Variants in TOGARAM1 observed in about 807,000 individuals in gnomAD.
TOGARAM1 encodes TOG array regulator of axonemal microtubules protein 1.
In TOGARAM1, 100 loss-of-function variants were observed where a neutral mutation model predicts 166.6. The observed-to-expected ratio is 0.60, with a 90% CI of 0.51 to 0.71. TOGARAM1 has a LOEUF of 0.71. Ranked by LOEUF, TOGARAM1 falls within the 30% of genes least tolerant of loss-of-function variation. The probability of loss-of-function intolerance (pLI) is 0.00; values close to 1 mark genes in which losing one functional copy is unlikely to be tolerated. For missense variants in TOGARAM1, 2,029 were observed against 2,102.7 expected (o/e 0.96, Z 0.69); for synonymous variants, 758 against 763.8 (o/e 0.99, Z 0.13).
chr14:45,005,069 C>T (rs964978533), intron 4 of TOGARAM1, among the ~76,000 whole-genome samples: 4 of 151,868 alleles, frequency 2.6e-5, no homozygotes, highest in Non-Finnish European at 5.9e-5. Context: ...GCATGCGCCA[C>T]CATGCCCGGC....
intron 1 of TOGARAM1, among the ~76,000 whole-genome samples, chr14:44,981,447 AGTG>A (rs1427947874): frequency 6.6e-6 from 1 of 152,192 alleles, no homozygotes; most frequent in Admixed American, 6.5e-5. Context: ...TTAGAATCAA[AGTG>A]GTGAGGGAGT....
chr14:45,070,497 T>G (rs531408219), intron 18 of TOGARAM1, among the ~76,000 whole-genome samples: 1 of 152,322 alleles, frequency 6.6e-6, no homozygotes, highest in South Asian at 2.1e-4. Context: ...TGACATAAAT[T>G]TGCATTATTG....
intron 1 of TOGARAM1, among the ~76,000 whole-genome samples, chr14:44,986,356 C>T (rs762524869): frequency 1.3e-5 from 2 of 152,138 alleles, no homozygotes; most frequent in Non-Finnish European, 2.9e-5. Flanking sequence ...GTGGCATAAT[C>T]ATAGCTCACT....
At chr14:44,987,163 C>T (rs1886863946) in intron 1 of TOGARAM1, among the ~76,000 whole-genome samples, 1 of 151,712 alleles carries the variant, frequency 6.6e-6, no homozygotes, top group Non-Finnish European at 1.5e-5. Context: ...AGGATGGTCT[C>T]GATCTGACCT....
rs1885173240 is a variant in TOGARAM1 at position 44,962,226 on chromosome 14, G to GGCCC, written c.-195_-194insCCCG. 1.8e-6 allele frequency: 1 copy of GGCCC among 549,464 alleles called. No individual in the cohort carries two copies. The highest frequency in any genetic ancestry group is 3.1e-6 in the Non-Finnish European group (1 of 326,372). The allele number at this position is 549,464 out of a possible 1,614,324, so 34.0% of individuals were successfully genotyped here. ...TTGGTTACGCCCGGTGGCAGCTGTG[G>GGCCC]GGTCTAGGGCTCAGACGGGGGCCAT... On this transcript the variant is annotated 5_prime_UTR_variant, in exon 1 of 20. Coordinates refer to ENST00000361462, the MANE Select transcript of TOGARAM1 (RefSeq NM_001308120.2).
At chr14:45,041,996 C>G (rs1236261741) in intron 11 of TOGARAM1, 2 of 152,330 alleles carry the variant, frequency 1.3e-5, no homozygotes, top group South Asian at 2.1e-4. Flanking sequence ...CTCAAGCAAT[C>G]TGCCCACCTC....
At position 44,963,873 on chromosome 14, in the gene TOGARAM1, C is replaced by T; in HGVS notation, c.1452C>T (p.Ser484=). The change falls in exon 1 of 20, where the codon TCC becomes TCT. Residue 484 remains serine (S), a synonymous_variant. Transcript: ENST00000361462. The part of the protein sequence containing the change: ...LLLEHLKHKH[S]RVREEVVNIC... ...TGGAACATCTCAAACATAAGCATTC[C>T]AGAGTGAGAGAGGAGGTGGTGAACA... is the stretch of plus-strand genomic sequence containing the variant. 6.2e-7 allele frequency: 1 copy of T among 1,614,052 alleles called. No homozygotes were observed. Among genetic ancestry groups the T allele is most frequent in the African/African-American group, 1.3e-5 (1 of 75,018 alleles).
At chr14:45,019,441 A>C (rs1416923193) in intron 7 of TOGARAM1, among the ~76,000 whole-genome samples, 5 of 151,882 alleles carry the variant, frequency 3.3e-5, no homozygotes, top group Non-Finnish European at 7.4e-5. Flanking sequence ...AACACCTGGA[A>C]AAAAAAAACA....
At chr14:44,986,465 T>C (rs1886800119) in intron 1 of TOGARAM1, among the ~76,000 whole-genome samples, 1 of 152,032 alleles carries the variant, frequency 6.6e-6, no homozygotes, top group Non-Finnish European at 1.5e-5. Flanking sequence ...AATTTTTTAA[T>C]TTTTCATAGA....
intron 7 of TOGARAM1, among the ~76,000 whole-genome samples, chr14:45,021,808 G>A (rs1471878293): frequency 6.6e-6 from 1 of 152,112 alleles, no homozygotes; most frequent in Non-Finnish European, 1.5e-5. Context: ...TCTTCTCAGG[G>A]ACAGGCTTCT....
intron 4 of TOGARAM1, 118 bp downstream of exon 4, chr14:45,004,484 G>GTAAATATTTTCC: frequency 2.7e-6 from 2 of 733,166 alleles, no homozygotes; most frequent in Non-Finnish European, 4.3e-6. Flanking sequence ...TCTGAATTTA[G>GTAAATATTTTCC]TAAATATTTA....
At chr14:45,065,171 T>C (rs575026679) in intron 16 of TOGARAM1, among the ~76,000 whole-genome samples, 13 of 151,390 alleles carry the variant, frequency 8.6e-5, no homozygotes, top group African/African-American at 3.1e-4. Context: ...AATTAAAAAT[T>C]AAAAAAATAA....
chr14:44,971,671 T>G (rs1234799679), intron 1 of TOGARAM1, among the ~76,000 whole-genome samples: 1 of 152,234 alleles, frequency 6.6e-6, no homozygotes, highest in East Asian at 1.9e-4. Context: ...TCTTTTCTAA[T>G]ATATGCCTTC....
intron 1 of TOGARAM1, among the ~76,000 whole-genome samples, chr14:44,964,951 T>A (rs986057826): frequency 6.8e-3 from 584 of 85,744 alleles, no homozygotes; most frequent in Non-Finnish European, 7.6e-3. Flanking sequence ...ACTAGAAAAG[T>A]AAAAAAAAAA....
intron 1 of TOGARAM1, among the ~76,000 whole-genome samples, chr14:44,970,770 C>T (rs1200295958): frequency 6.6e-6 from 1 of 151,966 alleles, no homozygotes; most frequent in Non-Finnish European, 1.5e-5. Context: ...TTGTCTAATG[C>T]TTTTTTGCAT....
chr14:45,061,998 T>C (rs1594704234), intron 16 of TOGARAM1, among the ~76,000 whole-genome samples: 1 of 152,166 alleles, frequency 6.6e-6, no homozygotes, highest in African/African-American at 2.4e-5. Context: ...ACATGCTCCA[T>C]AGGATTCTAG....
intron 15 of TOGARAM1, among the ~76,000 whole-genome samples, chr14:45,052,821 A>T (rs1161740540): frequency 6.6e-6 from 1 of 152,194 alleles, no homozygotes; most frequent in Non-Finnish European, 1.5e-5. Flanking sequence ...TTAACAAGAC[A>T]TGGGTTTGAA....
chr14:45,071,137 G>T (rs1364185933), intron 18 of TOGARAM1, among the ~76,000 whole-genome samples: 2 of 152,012 alleles, frequency 1.3e-5, no homozygotes, highest in African/African-American at 4.8e-5. Context: ...GGCCAGGATG[G>T]TCTCAAACTC....
chr14:45,004,679 G>C lies in TOGARAM1; in HGVS notation c.2644+313G>C, dbSNP rs2138840213. Among the ~76,000 whole-genome samples, 2 of 152,212 alleles carry C rather than the reference G, an allele frequency of 1.3e-5. 1 individual carries two copies. The highest frequency in any genetic ancestry group is 4.2e-4 in the South Asian group (2 of 4,810). ...TTGACCAGGCTGTTCTCAAACTCCT[G>C]GTCTCAAGTGATTTCTCCCATCCTG... On this transcript the variant is annotated intron_variant, in intron 4 of 19. Transcript: ENST00000361462.
Sources: gnomAD v4.1 joint callset for allele counts (sites outside exome capture counted in the v4.1 genomes callset) on GRCh38, gnomAD v4.1.1 for gene constraint, MANE v1.5 for transcripts, NCBI Gene and HGNC (gene_info 2026-07-23, HGNC 2026-07-21) for gene names.